Variants in SUGCT observed in about 807,000 individuals in gnomAD.
SUGCT encodes succinyl-CoA:glutarate-CoA transferase, also known as succinyl-CoA:glutarate CoA-transferase.
A neutral mutation model predicts 55.0 loss-of-function variants in SUGCT; 41 were observed. The ratio of observed to expected loss-of-function variants is 0.74; its 90% CI spans 0.58 to 0.97. The LOEUF is 0.97. Ranked by LOEUF, SUGCT falls within the 50% of genes least tolerant of loss-of-function variation. SUGCT has a pLI of 0.00. For synonymous variants in SUGCT, 187 were observed against 200.4 expected, an observed-to-expected ratio of 0.93 and a Z score of 0.56; for missense variants, 568 against 547.8, an observed-to-expected ratio of 1.04 and a Z score of -0.37.
intron 12 of SUGCT, among the ~76,000 whole-genome samples, chr7:40,696,118 C>T (rs1784926052): frequency 6.6e-6 from 1 of 152,192 alleles, no homozygotes; most frequent in Non-Finnish European, 1.5e-5. Context: ...TGTGTGTGCA[C>T]ACCTGTATGC....
chr7:40,992,268 T>A, the SUGCT span, among the ~76,000 whole-genome samples: 1 of 152,188 alleles, frequency 6.6e-6, no homozygotes, highest in Non-Finnish European at 1.5e-5. Flanking sequence ...TAAACTGTCA[T>A]GACACTGGCG....
At chr7:40,747,956 A>C (rs1157806898) in intron 12 of SUGCT, among the ~76,000 whole-genome samples, 1 of 152,238 alleles carries the variant, frequency 6.6e-6, no homozygotes, top group East Asian at 1.9e-4. Context: ...CCCCAGGGAA[A>C]ATTCCAGCCT....
At chr7:40,817,780 T>C (rs1396044388) in intron 13 of SUGCT, among the ~76,000 whole-genome samples, 3 of 151,710 alleles carry the variant, frequency 2.0e-5, no homozygotes, top group Non-Finnish European at 4.4e-5. Context: ...AATGAGTAAA[T>C]AGAGATGGCA....
At chr7:40,865,708 C>G (rs567846293), downstream of SUGCT, among the ~76,000 whole-genome samples, 9 of 152,214 alleles carry the variant, frequency 5.9e-5, no homozygotes, top group South Asian at 1.9e-3. Flanking sequence ...CTGTTCTGCT[C>G]CAGCGTCAGG....
At chr7:40,988,458 G>C in the SUGCT span, among the ~76,000 whole-genome samples, 1 of 151,478 alleles carries the variant, frequency 6.6e-6, no homozygotes, top group Non-Finnish European at 1.5e-5. Context: ...CTCTTTGAAG[G>C]AATCTTTTAT....
At chr7:40,503,995 G>A (rs1451023222) in intron 12 of SUGCT, among the ~76,000 whole-genome samples, 1 of 152,126 alleles carries the variant, frequency 6.6e-6, no homozygotes, top group Non-Finnish European at 1.5e-5. Context: ...GACATAAGAT[G>A]CCACTTTGTA....
At chr7:40,368,493 G>A (rs917569931) in intron 9 of SUGCT, among the ~76,000 whole-genome samples, 2 of 151,776 alleles carry the variant, frequency 1.3e-5, no homozygotes, top group Non-Finnish European at 2.9e-5. Context: ...CACCACACCC[G>A]GACTATTGTT....
intron 1 of SUGCT, among the ~76,000 whole-genome samples, chr7:40,166,979 G>C (rs571240339): frequency 1.1e-3 from 168 of 151,934 alleles, no homozygotes; most frequent in African/African-American, 3.9e-3. Context: ...TTAGAAATCT[G>C]TTTAGACAGT....
chr7:40,756,820 T>C (rs890741613), intron 13 of SUGCT, among the ~76,000 whole-genome samples: 16 of 152,166 alleles, frequency 1.1e-4, no homozygotes, highest in Non-Finnish European at 2.1e-4. Flanking sequence ...GTGTAAAGTT[T>C]TCATGTTGTG....
intron 9 of SUGCT, among the ~76,000 whole-genome samples, chr7:40,350,869 G>A (rs1168272061): frequency 6.6e-6 from 1 of 151,184 alleles, no homozygotes; most frequent in Non-Finnish European, 1.5e-5. Flanking sequence ...CTCCCCCTTA[G>A]GAGTGAGAAC....
chr7:40,142,448 AT>A (rs1356443288), intron 1 of SUGCT, among the ~76,000 whole-genome samples: 10 of 152,218 alleles, frequency 6.6e-5, no homozygotes, highest in African/African-American at 9.6e-5. Flanking sequence ...GCTTCTTTAC[AT>A]AAGGCAGAGA....
intron 9 of SUGCT, among the ~76,000 whole-genome samples, chr7:40,447,586 G>A (rs563556073): frequency 2.0e-5 from 3 of 151,926 alleles, no homozygotes; most frequent in South Asian, 2.1e-4. Flanking sequence ...AGGGAACAAA[G>A]GAACATTCAA....
At chr7:40,536,014 G>C (rs1400317092) in intron 12 of SUGCT, among the ~76,000 whole-genome samples, 1 of 152,130 alleles carries the variant, frequency 6.6e-6, no homozygotes, top group Non-Finnish European at 1.5e-5. Flanking sequence ...TTTTGATGAG[G>C]TTATTTGTTT....
chr7:41,002,843 G>A, the SUGCT span, among the ~76,000 whole-genome samples: 2 of 152,056 alleles, frequency 1.3e-5, no homozygotes. Context: ...AAGGGCTGGG[G>A]CCTGTTGCAG....
chr7:40,444,565 A>G (rs1011815985), intron 9 of SUGCT, among the ~76,000 whole-genome samples: 5 of 152,170 alleles, frequency 3.3e-5, no homozygotes, highest in African/African-American at 9.7e-5. Context: ...ATTTTTGCAC[A>G]TTGATTTTGT....
At chr7:40,510,764 G>C (rs1792881581) in intron 12 of SUGCT, among the ~76,000 whole-genome samples, 1 of 151,918 alleles carries the variant, frequency 6.6e-6, no homozygotes, top group Admixed American at 6.6e-5. Context: ...ATAAGTAAAT[G>C]GTTGAATAAA....
intron 12 of SUGCT, among the ~76,000 whole-genome samples, chr7:40,550,949 A>G (rs1409899939): frequency 6.6e-6 from 1 of 152,048 alleles, no homozygotes; most frequent in Non-Finnish European, 1.5e-5. Flanking sequence ...CTTCTGTTTT[A>G]CCCATTTTAC....
chr7:40,142,964 T>C (rs1469544233), intron 1 of SUGCT, among the ~76,000 whole-genome samples: 3 of 152,208 alleles, frequency 2.0e-5, no homozygotes, highest in Non-Finnish European at 2.9e-5. Flanking sequence ...CACCAAAATA[T>C]TGACTCAAAT....
chr7:40,858,966 A>C (rs1053747952), intron 13 of SUGCT, among the ~76,000 whole-genome samples: 2 of 152,174 alleles, frequency 1.3e-5, no homozygotes, highest in Admixed American at 6.5e-5. Context: ...TTATTAATGG[A>C]ATTCTCCAAA....
Sources: gnomAD v4.1 joint callset for allele counts (sites outside exome capture counted in the v4.1 genomes callset) on GRCh38, gnomAD v4.1.1 for gene constraint, MANE v1.5 for transcripts, NCBI Gene and HGNC (gene_info 2026-07-23, HGNC 2026-07-21) for gene names.